The following SLCO1B3 variants were observed in gnomAD, a reference collection of about 807,000 sequenced individuals.
The protein encoded by SLCO1B3 is solute carrier organic anion transporter family member 1B3.
SLCO1B3 carries 72 observed loss-of-function variants against 71.8 expected under a neutral mutation model. The observed-to-expected ratio is 1.00, with a 90% CI of 0.83 to 1.22. The LOEUF is 1.22. Ranked by LOEUF, SLCO1B3 falls within the 50% of genes most tolerant of loss-of-function variation. The pLI is 0.00. For synonymous variants in SLCO1B3, 298 were observed against 278.4 expected (o/e 1.07, Z -0.70); for missense variants, 911 against 819.7 (o/e 1.11, Z -1.36).
At chr12:20,908,316 C>T (rs1321272255) in intron 15 of SLCO1B3, among the ~76,000 whole-genome samples, 3 of 152,122 alleles carry the variant, frequency 2.0e-5, no homozygotes, top group Non-Finnish European at 4.4e-5. Flanking sequence ...CATAGCCTTC[C>T]CCATTATCAA....
At chr12:20,830,081 C>T (rs1459180146) in intron 3 of SLCO1B3, among the ~76,000 whole-genome samples, 1 of 152,140 alleles carries the variant, frequency 6.6e-6, no homozygotes, top group Non-Finnish European at 1.5e-5. Context: ...GTTTCAGCCT[C>T]ATTTTATCCA....
chr12:20,831,435 T>C (rs796281088), intron 3 of SLCO1B3, among the ~76,000 whole-genome samples: 3 of 151,438 alleles, frequency 2.0e-5, no homozygotes, highest in African/African-American at 7.3e-5. Context: ...CTAAATTGAT[T>C]AATCATATCT....
intron 1 of SLCO1B3, among the ~76,000 whole-genome samples, 166 bp downstream of exon 1, chr12:20,810,930 T>G (rs1257291126): frequency 5.9e-5 from 9 of 152,180 alleles, no homozygotes; most frequent in African/African-American, 2.2e-4. Context: ...TAAATATCCC[T>G]TCTAGAAATA....
At chr12:20,839,717 G>A (rs1411021499) in intron 3 of SLCO1B3, among the ~76,000 whole-genome samples, 1 of 152,004 alleles carries the variant, frequency 6.6e-6, no homozygotes, top group Non-Finnish European at 1.5e-5. Flanking sequence ...TAAATTTGGG[G>A]AAATTCTCAG....
At chr12:20,826,647 A>G (rs964455969) in intron 3 of SLCO1B3, among the ~76,000 whole-genome samples, 1 of 150,416 alleles carries the variant, frequency 6.6e-6, no homozygotes, top group African/African-American at 2.4e-5. Flanking sequence ...TGTTATCCTA[A>G]AGGTACCTCT....
At chr12:20,890,458 G>A (rs1865881988) in intron 13 of SLCO1B3, among the ~76,000 whole-genome samples, 1 of 152,194 alleles carries the variant, frequency 6.6e-6, no homozygotes, top group Non-Finnish European at 1.5e-5. Flanking sequence ...TGCTGCATGT[G>A]TACATGAGAA....
chr12:20,854,195 T>C (rs547245417), intron 3 of SLCO1B3, among the ~76,000 whole-genome samples: 1 of 152,200 alleles, frequency 6.6e-6, no homozygotes, highest in Non-Finnish European at 1.5e-5. Flanking sequence ...TGATAGAGAG[T>C]GCTCTATTTG....
chr12:20,903,332 C>T (rs925182909), intron 15 of SLCO1B3, among the ~76,000 whole-genome samples: 4 of 152,074 alleles, frequency 2.6e-5, no homozygotes, highest in Non-Finnish European at 4.4e-5. Context: ...AGATGTCCTT[C>T]GGTAGGTAAA....
At chr12:20,860,830 G>A (rs1345809494) in intron 5 of SLCO1B3, among the ~76,000 whole-genome samples, 187 bp from the exon 6 acceptor site, 2 of 152,156 alleles carry the variant, frequency 1.3e-5, no homozygotes, top group East Asian at 3.9e-4. Flanking sequence ...CTTTCTTAGT[G>A]GACACTCCCA....
At chr12:20,902,340 G>A (rs1866146868) in intron 15 of SLCO1B3, 1 of 152,446 alleles carries the variant, frequency 6.6e-6, no homozygotes, top group Non-Finnish European at 1.5e-5. Context: ...GTTATTTTTT[G>A]ACCCACTAAA....
chr12:20,819,993 A>G, intron 3 of SLCO1B3, among the ~76,000 whole-genome samples: 1 of 151,970 alleles, frequency 6.6e-6, no homozygotes, highest in South Asian at 2.1e-4. Flanking sequence ...TAATAAGGGA[A>G]CTGGGCAGGT....
chr12:20,833,604 A>G (rs1864594049), intron 3 of SLCO1B3, among the ~76,000 whole-genome samples: 1 of 148,338 alleles, frequency 6.7e-6, no homozygotes, highest in Non-Finnish European at 1.5e-5. Context: ...TATATACACT[A>G]TATATAGTAT....
At chr12:20,859,486 TTTTTC>T (rs1480757002) in intron 5 of SLCO1B3, among the ~76,000 whole-genome samples, 8 of 37,860 alleles carry the variant, frequency 2.1e-4, no homozygotes, top group Non-Finnish European at 4.2e-4. Context: ...GAATTCTGTT[TTTTTC>T]CCCCTCTACA....
intron 3 of SLCO1B3, among the ~76,000 whole-genome samples, chr12:20,850,264 A>AT (rs1242141583): frequency 7.3e-6 from 1 of 136,624 alleles, no homozygotes; most frequent in East Asian, 2.0e-4. Flanking sequence ...TATTTTATTT[A>AT]TTTATTTATT....
Position 20,879,491 on chromosome 12 carries a change from TA to T in SLCO1B3, c.1197del (p.Lys399AsnfsTer6), listed in dbSNP as rs775213677. 4 of 1,611,408 alleles carry T rather than the reference TA, an allele frequency of 2.5e-6. No homozygotes were observed. The highest frequency in any genetic ancestry group is 1.3e-5 in the African/African-American group (1 of 74,858). The part of the protein sequence containing the change: ...TGMFLGGFII[K>X]KFKLSLVGIA... The stretch of plus-strand genomic sequence containing the variant: ...GAATGTTTTTAGGAGGATTTATCAT[TA>T]AAAAATTCAAATTGTCTTTAGTTGG... On this transcript the variant is annotated frameshift_variant, in exon 11 of 16. Coordinates refer to ENST00000381545, the MANE Select transcript of SLCO1B3 (RefSeq NM_019844.4). LOFTEE classifies it high-confidence loss of function.
chr12:20,914,200 A>T (rs1001027236), intron 15 of SLCO1B3, among the ~76,000 whole-genome samples: 1 of 150,880 alleles, frequency 6.6e-6, no homozygotes, highest in Non-Finnish European at 1.5e-5. Flanking sequence ...TTTGTATTCC[A>T]CTCTCTGTCT....
At chr12:20,850,485 C>T (rs978543987) in intron 3 of SLCO1B3, among the ~76,000 whole-genome samples, 38 of 151,756 alleles carry the variant, frequency 2.5e-4, no homozygotes, top group Non-Finnish European at 5.2e-4. Flanking sequence ...GGTTTCACCG[C>T]ATTAGCCAGG....
At chr12:20,910,277 A>G (rs1184631781) in intron 15 of SLCO1B3, among the ~76,000 whole-genome samples, 1 of 152,004 alleles carries the variant, frequency 6.6e-6, no homozygotes, top group Non-Finnish European at 1.5e-5. Context: ...AAGTGGGTCT[A>G]TTTCTGGGCT....
chr12:20,899,106 G>A (rs935791754), intron 14 of SLCO1B3, among the ~76,000 whole-genome samples: 2 of 152,188 alleles, frequency 1.3e-5, no homozygotes, highest in Admixed American at 1.3e-4. Flanking sequence ...GTGGTTTATG[G>A]TGGCAAGGGT....
Sources: allele counts gnomAD v4.1 joint callset (sites outside exome capture counted in the v4.1 genomes callset), GRCh38; gene constraint gnomAD v4.1.1; transcripts MANE v1.5; gene names NCBI Gene and HGNC (gene_info 2026-07-23, HGNC 2026-07-21).